PTPN2: variants seen among roughly 807,000 people sequenced by gnomAD.
The protein encoded by PTPN2 is protein tyrosine phosphatase non-receptor type 2, also known as tyrosine-protein phosphatase non-receptor type 2.
PTPN2 carries 19 observed loss-of-function variants against 57.3 expected under a neutral mutation model. The observed-to-expected ratio is 0.33, with a 90% confidence interval of 0.23 to 0.49. The LOEUF (loss-of-function observed/expected upper bound fraction) is 0.49. PTPN2 is among the 20% of genes least tolerant of loss of function. The probability of loss-of-function intolerance (pLI) is 0.99; values close to 1 mark genes in which losing one functional copy is unlikely to be tolerated. For missense variants in PTPN2, 358 were observed against 501.1 expected (o/e 0.71, Z 2.73); for synonymous variants, 153 against 164.9 (o/e 0.93, Z 0.55).
intron 1 of PTPN2, among the ~76,000 whole-genome samples, chr18:12,874,170 C>T (rs1404795999): frequency 6.6e-6 from 1 of 151,846 alleles, no homozygotes; most frequent in African/African-American, 2.4e-5. Context: ...GGTCAGCCCC[C>T]GCCAGGCGAG....
intron 5 of PTPN2, among the ~76,000 whole-genome samples, chr18:12,819,583 A>G (rs1045469142): frequency 6.6e-6 from 1 of 152,094 alleles, no homozygotes; most frequent in Non-Finnish European, 1.5e-5. Flanking sequence ...CAGTGGTTAC[A>G]TGACTGAATG....
At chr18:12,815,136 A>AT (rs1297897616) in intron 6 of PTPN2, among the ~76,000 whole-genome samples, 2 of 145,796 alleles carry the variant, frequency 1.4e-5, no homozygotes, top group South Asian at 2.2e-4. Context: ...AAATAAATAA[A>AT]AATGTGGTGG....
chr18:12,852,591 C>A (rs2043436053), intron 2 of PTPN2, among the ~76,000 whole-genome samples: 1 of 152,330 alleles, frequency 6.6e-6, no homozygotes, highest in African/African-American at 2.4e-5. Flanking sequence ...TCACAGCTCA[C>A]TGTAGTCTCA....
intron 7 of PTPN2, among the ~76,000 whole-genome samples, chr18:12,813,958 TCA>T (rs1361694979): frequency 6.6e-6 from 1 of 152,176 alleles, no homozygotes; most frequent in Non-Finnish European, 1.5e-5. Context: ...AATGAAAAAT[TCA>T]GTTTCTTTAA....
intron 5 of PTPN2, among the ~76,000 whole-genome samples, chr18:12,822,147 A>AG: frequency 7.8e-6 from 1 of 128,570 alleles, no homozygotes; most frequent in South Asian, 2.8e-4. Context: ...AGTGGGCCAC[A>AG]GGGGTTACTA....
intron 1 of PTPN2, among the ~76,000 whole-genome samples, chr18:12,861,884 A>G (rs944870157): frequency 5.3e-5 from 8 of 152,222 alleles, no homozygotes; most frequent in Admixed American, 2.6e-4. Flanking sequence ...GCACTATACA[A>G]AAGAGGGTAA....
chr18:12,847,858 T>C (rs112021093), intron 2 of PTPN2, among the ~76,000 whole-genome samples: 6,422 of 148,872 alleles, frequency 0.043, 481 homozygotes, highest in African/African-American at 0.15. Context: ...CTCTGCCTCC[T>C]AAAGTGCTGG....
At chr18:12,801,677 C>T in intron 8 of PTPN2, 1 of 261,168 alleles carries the variant, frequency 3.8e-6, no homozygotes, top group Non-Finnish European at 7.4e-6. Context: ...AAGTGATCCT[C>T]CCACTTCAGT....
chr18:12,814,344 T>A lies in PTPN2; in HGVS notation c.717A>T (p.Gly239=), dbSNP rs748855353. Residue 239 remains glycine (G), a synonymous_variant, in exon 7 of 9, where the codon GGA becomes GGT. Transcript: ENST00000309660. Reference sequence around the variant, plus strand: ...ACACTTGTTTTATGTTAATATCATCTCCTTTTTCCATCTGCAAGAAAGGCA... The same window carrying A: ...ACACTTGTTTTATGTTAATATCATCACCTTTTTCCATCTGCAAGAAAGGCA... ...VDTCLVLMEK[G]DDINIKQVLL... 28 of 1,587,572 alleles carry A rather than the reference T, an allele frequency of 1.8e-5. No homozygotes were observed. Among genetic ancestry groups the A allele is most frequent in the Non-Finnish European group, 2.3e-5 (27 of 1,170,760 alleles).
At chr18:12,866,437 A>AAAAACAAAAC (rs200227789) in intron 1 of PTPN2, among the ~76,000 whole-genome samples, 12,330 of 148,370 alleles carry the variant, frequency 0.083, 666 homozygotes, top group Non-Finnish European at 0.13. Context: ...GACTCCTCTC[A>AAAAACAAAAC]AAAACAAAAC....
chr18:12,794,118 T>C lies in PTPN2; in HGVS notation c.*160A>G. The C allele has an allele frequency of 6.9e-7, 1 of 1,446,260 alleles. No individual in the cohort carries two copies. The highest frequency in any genetic ancestry group is 9.0e-7 in the Non-Finnish European group (1 of 1,105,134). The allele number at this position is 1,446,260 out of a possible 1,614,324, so 89.6% of individuals were successfully genotyped here. Reference sequence around the variant, plus strand: ...CAGAGGAACCTGCAGTCAAGAGTCCTGAGATGTTGGGCTTGTGACTGTAAA... The same window carrying C: ...CAGAGGAACCTGCAGTCAAGAGTCCCGAGATGTTGGGCTTGTGACTGTAAA... On this transcript the variant is annotated 3_prime_UTR_variant, in exon 9 of 9. Coordinates refer to ENST00000309660, the MANE Select transcript of PTPN2 (RefSeq NM_002828.4).
In PTPN2 at chr18:12,793,756, CAA is replaced by C. The variant is rs2041058133; in HGVS notation, c.*520_*521del. On this transcript the variant is annotated 3_prime_UTR_variant, in exon 9 of 9. Coordinates refer to ENST00000309660, the MANE Select transcript of PTPN2 (RefSeq NM_002828.4). ...AGCTCTTAAAAAGTACAGTTAACTA[CAA>C]AAGATTAAATAGATACTTATAAAAT... is the stretch of plus-strand genomic sequence containing the variant. 1.1e-6 allele frequency: 1 copy of C among 942,026 alleles called. No individual in the cohort carries two copies. The highest frequency in any genetic ancestry group is 1.3e-6 in the Non-Finnish European group (1 of 790,032). The allele number at this position is 942,026 out of a possible 1,614,324, so 58.4% of individuals were successfully genotyped here.
intron 7 of PTPN2, among the ~76,000 whole-genome samples, chr18:12,804,303 A>AAAG (rs1555659737): frequency 6.6e-6 from 1 of 150,626 alleles, no homozygotes; most frequent in Non-Finnish European, 1.5e-5. Flanking sequence ...AAAAAAAAAA[A>AAAG]AAAAAAGAAA....
At chr18:12,835,871 T>A (rs906904517) in intron 3 of PTPN2, among the ~76,000 whole-genome samples, 1 of 152,202 alleles carries the variant, frequency 6.6e-6, no homozygotes, top group Non-Finnish European at 1.5e-5. Context: ...ACTAGGAGTT[T>A]ATGTCCTTTG....
Position 12,817,015 on chromosome 18 carries a change from T to C in PTPN2, c.705+141A>G, listed in dbSNP as rs1013685159. 1.6e-5 allele frequency: 12 copies of C among 754,052 alleles called. No homozygotes were observed. In the African/African-American group the frequency reaches 2.1e-4, roughly 13 times the overall value. 46.7% of individuals were successfully genotyped at this position (754,052 alleles called of 1,614,324 possible). A position where few individuals can be genotyped will look rare whatever the true frequency, so the allele number is the denominator to read the frequency against. On this transcript the variant is annotated intron_variant, in intron 6 of 8. Transcript: ENST00000309660. Reference sequence around the variant, plus strand: ...GCAGTTGCAACGGTGGAAATGAGATTTTTAGGTTTTTCCAAAAGTAGAAGT... The same window carrying C: ...GCAGTTGCAACGGTGGAAATGAGATCTTTAGGTTTTTCCAAAAGTAGAAGT...
rs60239177 is a variant in PTPN2, at chr18:12,835,382, C to CTTTTTTTTTTTTTTTTTTTTTTTTTTTT, written c.261+1408_261+1409insAAAAAAAAAAAAAAAAAAAAAAAAAAAA. On this transcript the variant is annotated intron_variant, in intron 3 of 8. Coordinates refer to ENST00000309660, the MANE Select transcript of PTPN2 (RefSeq NM_002828.4). ...CTGCAATGAACATGATCACATATGT[C>CTTTTTTTTTTTTTTTTTTTTTTTTTTTT]TTTTTTTTTTTTTTGGACAGTTTTG... Among the ~76,000 whole-genome samples the CTTTTTTTTTTTTTTTTTTTTTTTTTTTT allele has an allele frequency of 1.1e-4, 11 of 99,016 alleles. 1 individual carries two copies. Among genetic ancestry groups the CTTTTTTTTTTTTTTTTTTTTTTTTTTTT allele is most frequent in the East Asian group, 3.4e-4 (1 of 2,906 alleles). 65.0% of individuals were successfully genotyped at this position (99,016 alleles called of 152,430 possible).
chr18:12,850,629 T>A (rs1047507431), intron 2 of PTPN2, among the ~76,000 whole-genome samples: 1 of 152,184 alleles, frequency 6.6e-6, no homozygotes, highest in African/African-American at 2.4e-5. Context: ...AATTTTGTCT[T>A]GACCCACGAT....
At chr18:12,865,522 C>T (rs564339499) in intron 1 of PTPN2, among the ~76,000 whole-genome samples, 42 of 150,990 alleles carry the variant, frequency 2.8e-4, no homozygotes, top group African/African-American at 9.7e-4. Context: ...GTGGGTGGAT[C>T]GCCTGAGGTC....
In PTPN2 at chr18:12,883,666, C is replaced by G. The variant is rs895360293; in HGVS notation, c.69+407G>C. On this transcript the variant is annotated intron_variant, in intron 1 of 8. Transcript: ENST00000309660. The stretch of plus-strand genomic sequence containing the variant: ...AGAAAGAGCTGTCCGCGAGCAAGAA[C>G]CAAGCACAGCGGCGTGGGAGCTACG... 86 of 161,862 alleles carry G rather than the reference C, an allele frequency of 5.3e-4. 1 individual carries two copies. Among genetic ancestry groups the G allele is most frequent in the Admixed American group, 1.6e-3 (25 of 15,518 alleles). 10.0% of individuals were successfully genotyped at this position (161,862 alleles called of 1,614,324 possible).
Sources: gnomAD v4.1 joint callset for allele counts (sites outside exome capture counted in the v4.1 genomes callset) on GRCh38, gnomAD v4.1.1 for gene constraint, MANE v1.5 for transcripts, NCBI Gene and HGNC (gene_info 2026-07-23, HGNC 2026-07-21) for gene names.